Variants in FNTB observed in about 807,000 individuals in gnomAD.
The protein encoded by FNTB is protein farnesyltransferase subunit beta.
Under a neutral mutation model 59.4 loss-of-function variants are expected in FNTB, and 27 were observed. That is an observed-to-expected ratio of 0.45 (90% confidence interval 0.34 to 0.63). FNTB has a LOEUF of 0.63. Among genes scored for constraint, FNTB ranks in the 20% least tolerant of loss-of-function variants. The pLI is 0.02. For missense variants in FNTB, 449 were observed against 559.6 expected (o/e 0.80, Z 1.99); for synonymous variants, 230 against 220.7 (o/e 1.04, Z -0.37).
intron 4 of FNTB, among the ~76,000 whole-genome samples, chr14:65,026,940 A>G (rs968226469): frequency 4.6e-5 from 7 of 152,082 alleles, no homozygotes; most frequent in East Asian, 1.9e-4. Context: ...TTAGGTGGCA[A>G]TGGGAGTGAG....
chr14:65,061,545 G>A lies in FNTB; in HGVS notation c.*233G>A. The A allele has an allele frequency of 1.8e-6, 1 of 561,746 alleles. No homozygotes were observed. Among genetic ancestry groups the A allele is most frequent in the South Asian group, 2.2e-5 (1 of 45,674 alleles). The allele number at this position is 561,746 out of a possible 1,614,324, so 34.8% of individuals were successfully genotyped here. A position where few individuals can be genotyped will look rare whatever the true frequency, so the allele number is the denominator to read the frequency against. On this transcript the variant is annotated 3_prime_UTR_variant, in exon 12 of 12. Coordinates refer to ENST00000246166, the MANE Select transcript of FNTB (RefSeq NM_002028.4). ...AAACCAAAAATCTATCAGCCCACGT[G>A]GTGTGGTTGGTGAACAGTGCATGCC...
Position 65,011,455 on chromosome 14 carries a change from C to G in FNTB, c.210-862C>G, listed in dbSNP as rs755239684. 1.3e-4 allele frequency among the ~76,000 whole-genome samples: 18 copies of G among 141,566 alleles called. No individual in the cohort carries two copies. Among genetic ancestry groups the G allele is most frequent in the Non-Finnish European group, 2.6e-4 (17 of 66,380 alleles). 92.9% of individuals were successfully genotyped at this position (141,566 alleles called of 152,430 possible). ...GGAAAAAAAAAAAAAAAAAAAAAGA[C>G]TGCATGAAGGCTCTTACTCTGAGCC... On this transcript the variant is annotated intron_variant, in intron 2 of 11. Coordinates refer to ENST00000246166, the MANE Select transcript of FNTB (RefSeq NM_002028.4). This position sits in a 1 kb window ranked among gnomAD's most constrained non-coding sequence, Gnocchi z 4.0.
intron 1 of FNTB, chr14:65,003,605 A>G (rs2061542273): frequency 6.6e-6 from 1 of 152,238 alleles, no homozygotes; most frequent in Admixed American, 6.5e-5. Context: ...CAGCTTCTAA[A>G]GCATTTTCAA....
At chr14:65,004,706 A>G (rs538337950) in intron 2 of FNTB, among the ~76,000 whole-genome samples, 1 of 151,476 alleles carries the variant, frequency 6.6e-6, no homozygotes, top group Non-Finnish European at 1.5e-5. Flanking sequence ...CTTGTTGCCC[A>G]GGCTGGGGTG....
intron 10 of FNTB, 55 bp downstream of exon 10, chr14:65,053,404 C>T (rs1436385901): frequency 4.6e-6 from 6 of 1,314,664 alleles, no homozygotes; most frequent in South Asian, 4.6e-5. Context: ...AGCAGAGGGG[C>T]GTGCACCTCA....
At chr14:65,051,689 T>C (rs1432516974) in intron 9 of FNTB, among the ~76,000 whole-genome samples, 12 of 152,212 alleles carry the variant, frequency 7.9e-5, no homozygotes, top group Non-Finnish European at 1.8e-4. Flanking sequence ...TCATAAACTT[T>C]TCATTTTTAT....
chr14:65,056,467 C>T (rs1419767974), intron 11 of FNTB, among the ~76,000 whole-genome samples: 1 of 152,126 alleles, frequency 6.6e-6, no homozygotes, highest in African/African-American at 2.4e-5. Flanking sequence ...TAACTGCTCC[C>T]CAGTGTGGTT....
At chr14:65,024,091 C>T (rs927640243) in intron 4 of FNTB, among the ~76,000 whole-genome samples, 2 of 148,460 alleles carry the variant, frequency 1.3e-5, no homozygotes, top group African/African-American at 5.0e-5. Context: ...GACAGAGGGA[C>T]ACTCCATCTC....
chr14:65,052,641 C>T (rs1457565895), intron 9 of FNTB, among the ~76,000 whole-genome samples: 2 of 152,086 alleles, frequency 1.3e-5, no homozygotes, highest in Non-Finnish European at 2.9e-5. Context: ...TACCAGAATA[C>T]CCAGTTTTTG....
chr14:65,055,407 A>G (rs991170009), intron 11 of FNTB, among the ~76,000 whole-genome samples: 1 of 152,160 alleles, frequency 6.6e-6, no homozygotes, highest in Non-Finnish European at 1.5e-5. Context: ...ACTAAGCCCT[A>G]CTTCCACCAG....
At chr14:65,006,067 A>G (rs1162713845) in intron 2 of FNTB, 17 of 1,464,328 alleles carry the variant, frequency 1.2e-5, no homozygotes, top group Non-Finnish European at 1.5e-5. Context: ...AGATCTTCTA[A>G]CAGACTAAAT....
intron 1 of FNTB, among the ~76,000 whole-genome samples, chr14:64,995,114 A>C (rs946377305): frequency 6.6e-6 from 1 of 152,190 alleles, no homozygotes; most frequent in East Asian, 1.9e-4. Flanking sequence ...AAACGCACAC[A>C]TTAGCCTGGA....
In FNTB at chr14:65,029,667, T is replaced by C. The variant is rs1035831088; in HGVS notation, c.605+1886T>C. On this transcript the variant is annotated intron_variant, in intron 6 of 11. Transcript: ENST00000246166. The surrounding 1 kb of genome is among the most constrained non-coding windows in gnomAD (Gnocchi z 4.7). ...TTTGCAGAAGTTTGGTGAGAAAGCA[T>C]GTGTTGCTCAAGAAAGGACAAGTTC... is the stretch of plus-strand genomic sequence containing the variant. 6.6e-6 allele frequency among the ~76,000 whole-genome samples: 1 copy of C among 152,112 alleles called. No individual in the cohort carries two copies. Among genetic ancestry groups the C allele is most frequent in the African/African-American group, 2.4e-5 (1 of 41,414 alleles).
intron 11 of FNTB, among the ~76,000 whole-genome samples, chr14:65,058,594 T>G (rs2062794559): frequency 6.6e-6 from 1 of 152,234 alleles, no homozygotes; most frequent in African/African-American, 2.4e-5. Flanking sequence ...TACTGTAAGG[T>G]TGTGATAGTT....
rs61987401 is a variant in FNTB at position 65,031,791 on chromosome 14, T to G, written c.606-819T>G. ...GAAAAATAAGCCAGGCATGGTGGCA[T>G]GCGCCTGTAATCCCAGCTACTTGGG... On this transcript the variant is annotated intron_variant, in intron 6 of 11. Coordinates refer to ENST00000246166, the MANE Select transcript of FNTB (RefSeq NM_002028.4). The surrounding 1 kb of genome is among the most constrained non-coding windows in gnomAD (Gnocchi z 4.6). Among the ~76,000 whole-genome samples the G allele has an allele frequency of 6.6e-6, 1 of 151,968 alleles. No individual in the cohort carries two copies. The highest frequency in any genetic ancestry group is 2.4e-5 in the African/African-American group (1 of 41,442).
rs867710630 is a variant in FNTB, at chr14:65,015,417, T to C, written c.283-208T>C. The C allele has an allele frequency of 2.2e-3, 638 of 291,048 alleles. 2 individuals carry two copies. The highest frequency in any genetic ancestry group is 0.013 in the African/African-American group (564 of 42,898). 18.0% of individuals were successfully genotyped at this position (291,048 alleles called of 1,614,324 possible). On this transcript the variant is annotated intron_variant, in intron 3 of 11. Transcript: ENST00000246166. ...CGCGCCCAGCCTTGTTATCTTTTTT[T>C]TTTTTTTTTTTTTTTTTAACAGATG...
In FNTB at chr14:64,994,894, C is replaced by T. The variant is rs1462877040; in HGVS notation, c.144+7797C>T. Reference sequence around the variant, plus strand: ...TTTTTTCTTTCAATAATAAATTAAACCTAGCTTACTGTAAATTATTTACTT... The same window carrying T: ...TTTTTTCTTTCAATAATAAATTAAATCTAGCTTACTGTAAATTATTTACTT... On this transcript the variant is annotated intron_variant, in intron 1 of 11. Coordinates refer to ENST00000246166, the MANE Select transcript of FNTB (RefSeq NM_002028.4). This position sits in a 1 kb window ranked among gnomAD's most constrained non-coding sequence, Gnocchi z 4.2. Among the ~76,000 whole-genome samples the T allele has an allele frequency of 1.1e-4, 16 of 152,104 alleles. No homozygotes were observed. The highest frequency in any genetic ancestry group is 6.6e-5 in the Admixed American group (1 of 15,264).
At position 65,054,020 on chromosome 14, in the gene FNTB, T is replaced by C. The variant is rs2139676889; in HGVS notation, c.1068-555T>C. On this transcript the variant is annotated intron_variant, in intron 10 of 11. Coordinates refer to ENST00000246166, the MANE Select transcript of FNTB (RefSeq NM_002028.4). This position sits in a 1 kb window ranked among gnomAD's most constrained non-coding sequence, Gnocchi z 4.4. Reference sequence around the variant, plus strand: ...GGAGAGACTGACTTTAAAATTACAGTTTCCTTTAATAGTTTAAGGTAAAAA... The same window carrying C: ...GGAGAGACTGACTTTAAAATTACAGCTTCCTTTAATAGTTTAAGGTAAAAA... Among the ~76,000 whole-genome samples, 1 of 152,314 alleles carries C rather than the reference T, an allele frequency of 6.6e-6. No individual in the cohort carries two copies. The highest frequency in any genetic ancestry group is 3.4e-3 in the Middle Eastern group (1 of 294).
In FNTB at chr14:64,991,563, C is replaced by T. The variant is rs1331789768; in HGVS notation, c.144+4466C>T. Among the ~76,000 whole-genome samples, 1 of 152,094 alleles carries T rather than the reference C, an allele frequency of 6.6e-6. No individual in the cohort carries two copies. Among genetic ancestry groups the T allele is most frequent in the Non-Finnish European group, 1.5e-5 (1 of 68,028 alleles). ...AGGTTGCAGTGAGCCGAGATTGCAC[C>T]ATTGCACTCAAGCCTGGGTGACAGA... is the stretch of plus-strand genomic sequence containing the variant. On this transcript the variant is annotated intron_variant, in intron 1 of 11. Coordinates refer to ENST00000246166, the MANE Select transcript of FNTB (RefSeq NM_002028.4). The surrounding 1 kb of genome is among the most constrained non-coding windows in gnomAD (Gnocchi z 4.4).
Sources: allele counts gnomAD v4.1 joint callset (sites outside exome capture counted in the v4.1 genomes callset), GRCh38; gene constraint gnomAD v4.1.1; non-coding constraint Gnocchi (gnomAD v3.1); transcripts MANE v1.5; gene names NCBI Gene and HGNC (gene_info 2026-07-23, HGNC 2026-07-21).